The following GSTCD variants were observed in gnomAD, a reference collection of about 807,000 sequenced individuals.
The protein encoded by GSTCD is glutathione S-transferase C-terminal domain containing, also known as glutathione S-transferase C-terminal domain-containing protein.
In GSTCD, 44 loss-of-function variants were observed where a neutral mutation model predicts 68.3. The observed-to-expected ratio is 0.64, with a 90% CI of 0.51 to 0.83. GSTCD has a LOEUF of 0.83. Ranked by LOEUF, GSTCD falls within the 40% of genes least tolerant of loss-of-function variation. GSTCD has a pLI of 0.00. For synonymous variants in GSTCD, 273 were observed against 255.2 expected, an observed-to-expected ratio of 1.07 and a Z score of -0.67; for missense variants, 739 against 735.9, an observed-to-expected ratio of 1.00 and a Z score of -0.05.
intron 5 of GSTCD, among the ~76,000 whole-genome samples, chr4:105,737,492 T>C (rs1733499708): frequency 6.6e-6 from 1 of 152,206 alleles, no homozygotes; most frequent in South Asian, 2.1e-4. Context: ...AATATAATTC[T>C]ATTTGTCTGT....
intron 3 of GSTCD, among the ~76,000 whole-genome samples, chr4:105,720,300 A>G (rs796728474): frequency 1.2e-4 from 18 of 152,326 alleles, no homozygotes; most frequent in African/African-American, 3.8e-4. Context: ...CAGCCTTCCA[A>G]TTGGTTTTCA....
rs1398025136 is a variant in GSTCD, at chr4:105,719,061, TTAG to T, written c.430_432del (p.Ser144del). Reference sequence around the variant, plus strand: ...TCTTGTTTTGTTTTTGTTTTGTAGGTTAGTCAGTGGACCAGGCTATGTGAACTC... The same window carrying T: ...TCTTGTTTTGTTTTTGTTTTGTAGGTTCAGTGGACCAGGCTATGTGAACTC... On this transcript the variant is annotated inframe_deletion and splice_region_variant, in exon 3 of 12. Coordinates refer to ENST00000515279, the MANE Select transcript of GSTCD (RefSeq NM_001370181.1). 1.3e-6 allele frequency: 2 copies of T among 1,592,482 alleles called. No individual in the cohort carries two copies. The highest frequency in any genetic ancestry group is 1.7e-6 in the Non-Finnish European group (2 of 1,170,878).
chr4:105,824,998 G>A (rs1014385385), intron 7 of GSTCD, among the ~76,000 whole-genome samples: 2 of 152,018 alleles, frequency 1.3e-5, no homozygotes, highest in Non-Finnish European at 2.9e-5. Context: ...AAGTTTGAAT[G>A]CTCCCATTAA....
chr4:105,743,151 C>T (rs550734239), intron 5 of GSTCD, among the ~76,000 whole-genome samples: 1 of 151,924 alleles, frequency 6.6e-6, no homozygotes, highest in African/African-American at 2.4e-5. Context: ...GGGGTTTCAC[C>T]ATGTTAGCCA....
chr4:105,716,523 A>C (rs536810396), intron 1 of GSTCD, among the ~76,000 whole-genome samples: 1 of 152,290 alleles, frequency 6.6e-6, no homozygotes, highest in East Asian at 1.9e-4. Context: ...TTACTGCCTG[A>C]ATGGCGCCTC....
At chr4:105,720,355 A>C (rs1732822556) in intron 3 of GSTCD, among the ~76,000 whole-genome samples, 1 of 152,144 alleles carries the variant, frequency 6.6e-6, no homozygotes, top group African/African-American at 2.4e-5. Flanking sequence ...TTTTCTTGGA[A>C]GCATTTCCCC....
chr4:105,710,811 A>G (rs1189536129), intron 1 of GSTCD: 1 of 152,192 alleles, frequency 6.6e-6, no homozygotes, highest in Non-Finnish European at 1.5e-5. Context: ...CTCCATGGCA[A>G]CAGATGATTC....
Position 105,846,676 on chromosome 4 carries a change from T to TC in GSTCD, c.*1099_*1100insC. 6.6e-6 allele frequency: 1 copy of TC among 151,182 alleles called. No individual in the cohort carries two copies. Among genetic ancestry groups the TC allele is most frequent in the East Asian group, 1.9e-4 (1 of 5,170 alleles). The allele number at this position is 151,182 out of a possible 1,614,324, so 9.4% of individuals were successfully genotyped here. The stretch of plus-strand genomic sequence containing the variant: ...TTAAAGAATTAGTTAAGCTTTTTTT[T>TC]TTTTTTTTTTTTGAGACAGAGTTTC... On this transcript the variant is annotated 3_prime_UTR_variant, in exon 12 of 12. Coordinates refer to ENST00000515279, the MANE Select transcript of GSTCD (RefSeq NM_001370181.1).
intron 5 of GSTCD, among the ~76,000 whole-genome samples, chr4:105,802,218 G>A (rs1309699513): frequency 1.3e-5 from 2 of 152,086 alleles, no homozygotes; most frequent in African/African-American, 4.8e-5. Flanking sequence ...CTAAATACTT[G>A]AATATGTTTC....
chr4:105,723,636 C>T (rs1732940658), intron 3 of GSTCD, among the ~76,000 whole-genome samples: 1 of 151,436 alleles, frequency 6.6e-6, no homozygotes, highest in South Asian at 2.1e-4. Context: ...AACCAATCCT[C>T]CATGGATACT....
Position 105,783,160 on chromosome 4 carries a change from G to C in GSTCD, c.1241-39794G>C, listed in dbSNP as rs558327302. ...TAAGATTGGATATTGCACCTGGTGT[G>C]GATAGTACTAGATTACATCTTCAGG... is the stretch of plus-strand genomic sequence containing the variant. On this transcript the variant is annotated intron_variant, in intron 5 of 11. Coordinates refer to ENST00000515279, the MANE Select transcript of GSTCD (RefSeq NM_001370181.1). Among the ~76,000 whole-genome samples, 43 of 152,224 alleles carry C rather than the reference G, an allele frequency of 2.8e-4. 1 individual carries two copies. In the South Asian group the frequency reaches 8.5e-3, roughly 30 times the overall value.
chr4:105,726,977 G>A, intron 4 of GSTCD, 147 bp downstream of exon 4: 3 of 637,478 alleles, frequency 4.7e-6, no homozygotes, highest in Non-Finnish European at 2.5e-6. Flanking sequence ...TAATATTTCT[G>A]CTACTCTTTT....
chr4:105,747,140 G>A (rs1223163296), intron 5 of GSTCD, among the ~76,000 whole-genome samples: 2 of 152,204 alleles, frequency 1.3e-5, no homozygotes, highest in African/African-American at 4.8e-5. Context: ...ATTATTTATT[G>A]CTATTCTTGC....
At chr4:105,726,499 TGTG>T (rs1733039246) in intron 3 of GSTCD, 77 bp from the exon 4 acceptor site, 1 of 829,072 alleles carries the variant, frequency 1.2e-6, no homozygotes, top group African/African-American at 1.7e-5. Flanking sequence ...GTGTGAATGT[TGTG>T]GTTTGTAAAG....
intron 8 of GSTCD, among the ~76,000 whole-genome samples, chr4:105,826,641 C>T (rs1212478129): frequency 1.3e-5 from 2 of 152,100 alleles, no homozygotes; most frequent in African/African-American, 2.4e-5. Flanking sequence ...GACCATACTA[C>T]ATAGATCCTG....
intron 3 of GSTCD, among the ~76,000 whole-genome samples, chr4:105,726,055 G>T (rs1007446292): frequency 6.6e-6 from 1 of 152,032 alleles, no homozygotes; most frequent in Non-Finnish European, 1.5e-5. Flanking sequence ...ATGAAACACA[G>T]TGCCACATAA....
chr4:105,732,657 A>AT (rs1482704594), intron 5 of GSTCD, among the ~76,000 whole-genome samples: 1 of 152,092 alleles, frequency 6.6e-6, no homozygotes, highest in African/African-American at 2.4e-5. Context: ...GGATTCATTG[A>AT]TTTTTTGAAG....
intron 5 of GSTCD, among the ~76,000 whole-genome samples, chr4:105,770,593 A>G (rs1366870279): frequency 2.0e-5 from 3 of 151,164 alleles, no homozygotes; most frequent in Non-Finnish European, 2.9e-5. Context: ...TCATTATTCA[A>G]CTCCCACTTA....
At chr4:105,723,371 G>A (rs549813393) in intron 3 of GSTCD, among the ~76,000 whole-genome samples, 45 of 151,666 alleles carry the variant, frequency 3.0e-4, no homozygotes, top group African/African-American at 9.7e-4. Flanking sequence ...TCAACCAACC[G>A]CAGATTTAAA....
Sources: gnomAD v4.1 joint callset for allele counts (sites outside exome capture counted in the v4.1 genomes callset) on GRCh38, gnomAD v4.1.1 for gene constraint, MANE v1.5 for transcripts, NCBI Gene and HGNC (gene_info 2026-07-23, HGNC 2026-07-21) for gene names.